Variants in TCF12 observed in about 807,000 individuals in gnomAD.
TCF12 encodes DNA-binding protein HTF4.
A neutral mutation model predicts 86.0 loss-of-function variants in TCF12; 45 were observed. That is an observed-to-expected ratio of 0.52 (90% confidence interval 0.41 to 0.67). TCF12 has a LOEUF of 0.67. Among genes scored for constraint, TCF12 ranks in the 30% least tolerant of loss-of-function variants. TCF12 has a pLI of 0.00. For synonymous variants in TCF12, 330 were observed against 299.6 expected (o/e 1.10, Z -1.05); for missense variants, 881 against 859.9 (o/e 1.02, Z -0.31).
intron 6 of TCF12, among the ~76,000 whole-genome samples, chr15:57,184,923 T>C (rs1350770695): frequency 3.3e-5 from 5 of 152,206 alleles, no homozygotes; most frequent in Non-Finnish European, 7.3e-5. Context: ...ATATTTATAT[T>C]GATCATTTTC....
At position 56,949,413 on chromosome 15, in the gene TCF12, A is replaced by G. The variant is rs1014414997; in HGVS notation, c.148+28315A>G. Among the ~76,000 whole-genome samples, 5 of 152,346 alleles carry G rather than the reference A, an allele frequency of 3.3e-5. No individual in the cohort carries two copies. In the East Asian group the frequency reaches 9.6e-4, roughly 29 times the overall value. On this transcript the variant is annotated intron_variant, in intron 3 of 20. Transcript: ENST00000333725. ...ACACATTCAGTAATTTTATTATATG[A>G]AAATTATAGATGTAAAACTCAGTCT...
intron 5 of TCF12, among the ~76,000 whole-genome samples, chr15:57,164,246 A>G (rs2151528451): frequency 6.6e-6 from 1 of 152,302 alleles, no homozygotes; most frequent in East Asian, 1.9e-4. Context: ...TATTACTGAT[A>G]CTTGGCCATG....
chr15:57,143,937 G>A (rs1356145407), intron 5 of TCF12, among the ~76,000 whole-genome samples: 24 of 152,140 alleles, frequency 1.6e-4, no homozygotes, highest in African/African-American at 5.8e-4. Flanking sequence ...CTCCTGGGGA[G>A]GGTTTTTTTG....
At chr15:56,969,910 C>T (rs2062203650) in intron 3 of TCF12, among the ~76,000 whole-genome samples, 2 of 152,150 alleles carry the variant, frequency 1.3e-5, no homozygotes, top group African/African-American at 4.8e-5. Context: ...GAGCAAAAGA[C>T]ACTTGAGAAG....
chr15:57,158,756 C>T (rs2054296269), intron 5 of TCF12, among the ~76,000 whole-genome samples: 1 of 152,184 alleles, frequency 6.6e-6, no homozygotes, highest in Non-Finnish European at 1.5e-5. Context: ...CTCACTCACA[C>T]TTGGCATTTT....
intron 6 of TCF12, among the ~76,000 whole-genome samples, chr15:57,173,924 T>A (rs1225863495): frequency 6.6e-6 from 1 of 151,958 alleles, no homozygotes; most frequent in Non-Finnish European, 1.5e-5. Flanking sequence ...GCCAGGCGGG[T>A]CTCAAACCCC....
intron 5 of TCF12, among the ~76,000 whole-genome samples, chr15:57,138,517 ACAGATAAT>A (rs2052720201): frequency 6.8e-6 from 1 of 148,130 alleles, no homozygotes; most frequent in Non-Finnish European, 1.5e-5. Context: ...CAAGTACTTC[ACAGATAAT>A]CAGATCTGTT....
At chr15:57,054,037 G>C (rs968337869) in intron 3 of TCF12, among the ~76,000 whole-genome samples, 11 of 152,114 alleles carry the variant, frequency 7.2e-5, no homozygotes, top group African/African-American at 2.7e-4. Context: ...TTTTTCTTTT[G>C]TGAGTATGGA....
At chr15:57,270,496 G>C (rs1246109044) in intron 18 of TCF12, among the ~76,000 whole-genome samples, 3 of 152,114 alleles carry the variant, frequency 2.0e-5, no homozygotes, top group Non-Finnish European at 4.4e-5. Context: ...CTCGCAGTGG[G>C]TTAGAACATG....
rs1296745202 is a variant in TCF12, at chr15:57,258,328, GCT to G, written c.1468-3761_1468-3760del. ...GAATTTCATTGGAGCAATAAAAAGA[GCT>G]CTCTGCAATATAAAGTTAGCGACAT... On this transcript the variant is annotated intron_variant, in intron 16 of 20. Transcript: ENST00000333725. Among the ~76,000 whole-genome samples, 12 of 152,296 alleles carry G rather than the reference GCT, an allele frequency of 7.9e-5. No homozygotes were observed. The East Asian group carries it at 2.3e-3, about 29-fold the overall frequency.
intron 6 of TCF12, among the ~76,000 whole-genome samples, chr15:57,182,949 A>C (rs528288944): frequency 1.2e-4 from 18 of 152,298 alleles, no homozygotes; most frequent in African/African-American, 3.4e-4. Flanking sequence ...CCGAGTTACT[A>C]TGGAAGTCTT....
intron 3 of TCF12, among the ~76,000 whole-genome samples, chr15:56,923,788 T>A (rs1010299340): frequency 6.6e-6 from 1 of 152,108 alleles, no homozygotes; most frequent in Non-Finnish European, 1.5e-5. Context: ...TAGTAAGGGA[T>A]GTTGTCATTT....
chr15:56,970,782 G>C (rs1245948629), intron 3 of TCF12, among the ~76,000 whole-genome samples: 2 of 152,168 alleles, frequency 1.3e-5, no homozygotes, highest in African/African-American at 4.8e-5. Flanking sequence ...GGGCGTGGTG[G>C]CTCATGCCTG....
intron 5 of TCF12, among the ~76,000 whole-genome samples, chr15:57,131,692 T>C (rs1303630103): frequency 6.6e-6 from 1 of 152,206 alleles, no homozygotes; most frequent in African/African-American, 2.4e-5. Context: ...TGAAGATGAC[T>C]AGACAGAGCC....
chr15:57,227,970 AATC>A (rs1262742986), intron 8 of TCF12, among the ~76,000 whole-genome samples: 3 of 152,102 alleles, frequency 2.0e-5, no homozygotes, highest in South Asian at 2.1e-4. Context: ...CATGATACAA[AATC>A]ATCCTTCAGA....
intron 3 of TCF12, among the ~76,000 whole-genome samples, chr15:56,954,209 A>T (rs1217630303): frequency 6.6e-6 from 1 of 152,168 alleles, no homozygotes; most frequent in Non-Finnish European, 1.5e-5. Context: ...ATTTTGGGGA[A>T]ATATTCTTTC....
At chr15:57,128,493 TA>T (rs1478035185) in intron 5 of TCF12, among the ~76,000 whole-genome samples, 4 of 152,246 alleles carry the variant, frequency 2.6e-5, no homozygotes, top group Non-Finnish European at 5.9e-5. Context: ...TCCTTCTCAG[TA>T]ACCACAATTC....
chr15:56,958,690 T>A (rs1642926), intron 3 of TCF12, among the ~76,000 whole-genome samples: 25,724 of 84,738 alleles, frequency 0.3, 2,469 homozygotes, highest in Non-Finnish European at 0.47. Flanking sequence ...TGTGTGTGTG[T>A]GTGTGTGTGT....
At chr15:56,964,950 G>T (rs1409631047) in intron 3 of TCF12, among the ~76,000 whole-genome samples, 1 of 152,150 alleles carries the variant, frequency 6.6e-6, no homozygotes, top group East Asian at 1.9e-4. Flanking sequence ...TTTGGTCCCA[G>T]AGCCAGTGAT....
Sources: allele counts gnomAD v4.1 joint callset (sites outside exome capture counted in the v4.1 genomes callset), GRCh38; gene constraint gnomAD v4.1.1; transcripts MANE v1.5; gene names NCBI Gene and HGNC (gene_info 2026-07-23, HGNC 2026-07-21).